Variants in ELOVL2 observed in about 807,000 individuals in gnomAD.
ELOVL2 encodes ELOVL fatty acid elongase 2, also known as very long chain fatty acid elongase 2.
ELOVL2 carries 38 observed loss-of-function variants against 37.7 expected under a neutral mutation model. The observed-to-expected ratio is 1.01, with a 90% CI of 0.78 to 1.32. The LOEUF (loss-of-function observed/expected upper bound fraction) is 1.32, where lower values mean the gene tolerates loss of function less well. ELOVL2 is among the 40% of genes most tolerant of loss of function. The probability of loss-of-function intolerance (pLI) is 0.00; values close to 1 mark genes in which losing one functional copy is unlikely to be tolerated. For synonymous variants in ELOVL2, 115 were observed against 122.3 expected, an observed-to-expected ratio of 0.94 and a Z score of 0.40; for missense variants, 352 against 363.6, an observed-to-expected ratio of 0.97 and a Z score of 0.26.
At chr6:10,990,637 A>G (rs1302914494) in intron 5 of ELOVL2, among the ~76,000 whole-genome samples, 195 bp from the exon 6 acceptor site, 2 of 150,504 alleles carry the variant, frequency 1.3e-5, no homozygotes, top group Admixed American at 6.7e-5. Flanking sequence ...TCCATGATAG[A>G]AGGAGTAGCC....
chr6:11,030,903 T>C (rs1415077084), intron 1 of ELOVL2, among the ~76,000 whole-genome samples: 2 of 152,164 alleles, frequency 1.3e-5, no homozygotes, highest in Non-Finnish European at 2.9e-5. Context: ...CTGTGTCCCC[T>C]GTTCATTCAT....
chr6:11,012,071 T>C (rs1218658258), intron 1 of ELOVL2, among the ~76,000 whole-genome samples: 1 of 152,206 alleles, frequency 6.6e-6, no homozygotes, highest in Non-Finnish European at 1.5e-5. Context: ...GTTTGCTGCC[T>C]GGCACATATC....
chr6:11,005,581 G>T (rs1294659424), intron 2 of ELOVL2, 22 bp from the exon 3 acceptor site: 1 of 1,592,030 alleles, frequency 6.3e-7, no homozygotes, highest in Middle Eastern at 1.7e-4. Context: ...CACATACAGT[G>T]AGGATCCTGA....
At chr6:11,034,934 T>C (rs1782984664) in intron 1 of ELOVL2, among the ~76,000 whole-genome samples, 1 of 151,474 alleles carries the variant, frequency 6.6e-6, no homozygotes, top group Non-Finnish European at 1.5e-5. Context: ...ATCCAGGAGA[T>C]GGAGGTTGCA....
chr6:11,010,698 G>GTT (rs1335623935), intron 2 of ELOVL2, 48 bp downstream of exon 2: 1 of 1,406,772 alleles, frequency 7.1e-7, no homozygotes, highest in East Asian at 2.3e-5. Flanking sequence ...ACTAAATGGT[G>GTT]TTCTTCCTGT....
chr6:11,000,401 G>C (rs1026150135), intron 3 of ELOVL2, among the ~76,000 whole-genome samples: 1 of 151,974 alleles, frequency 6.6e-6, no homozygotes, highest in Non-Finnish European at 1.5e-5. Flanking sequence ...TAACTACATT[G>C]GCCAAAATAA....
At chr6:11,036,450 G>A (rs930843299) in intron 1 of ELOVL2, among the ~76,000 whole-genome samples, 12 of 152,108 alleles carry the variant, frequency 7.9e-5, no homozygotes, top group East Asian at 1.9e-4. Flanking sequence ...AAAGGAAAGG[G>A]GGCATTCTCT....
intron 5 of ELOVL2, among the ~76,000 whole-genome samples, chr6:10,992,497 A>AAAAC (rs1782180585): frequency 1.3e-5 from 2 of 152,246 alleles, no homozygotes; most frequent in African/African-American, 4.8e-5. Flanking sequence ...AACTCTTTGT[A>AAAAC]AAACAGGATT....
chr6:11,014,283 G>A (rs1283287041), intron 1 of ELOVL2, among the ~76,000 whole-genome samples: 4 of 152,044 alleles, frequency 2.6e-5, no homozygotes, highest in Non-Finnish European at 4.4e-5. Context: ...GTTCGAAACC[G>A]GTTTGGCCAA....
At chr6:11,028,637 T>G (rs1782871705) in intron 1 of ELOVL2, among the ~76,000 whole-genome samples, 1 of 149,842 alleles carries the variant, frequency 6.7e-6, no homozygotes. Flanking sequence ...ATTTTCTAAT[T>G]GCCAGTTCAG....
chr6:11,002,274 A>C (rs1012491901), intron 3 of ELOVL2, among the ~76,000 whole-genome samples: 1 of 152,166 alleles, frequency 6.6e-6, no homozygotes, highest in Non-Finnish European at 1.5e-5. Context: ...TCTTTCTTAC[A>C]GGGCAAAGGT....
At chr6:11,018,270 A>G (rs1375756596) in intron 1 of ELOVL2, among the ~76,000 whole-genome samples, 1 of 152,146 alleles carries the variant, frequency 6.6e-6, no homozygotes, top group East Asian at 1.9e-4. Flanking sequence ...TTTTCTATTT[A>G]GTCATCCTAG....
At position 11,040,716 on chromosome 6, in the gene ELOVL2, A is replaced by T. The variant is rs527423898; in HGVS notation, c.3+3512T>A. 2.0e-5 allele frequency among the ~76,000 whole-genome samples: 3 copies of T among 152,344 alleles called. No individual in the cohort carries two copies. In the South Asian group the frequency reaches 6.2e-4, roughly 32 times the overall value. ...AGATATGGGAGAAAAAAGAACACAC[A>T]TCATTATAATAGTTAATATTTACTA... On this transcript the variant is annotated intron_variant, in intron 1 of 7. Coordinates refer to ENST00000354666, the MANE Select transcript of ELOVL2 (RefSeq NM_017770.4).
intron 3 of ELOVL2, among the ~76,000 whole-genome samples, chr6:11,002,840 C>A (rs1782414476): frequency 6.6e-6 from 1 of 152,174 alleles, no homozygotes; most frequent in Non-Finnish European, 1.5e-5. Flanking sequence ...CATCTTATAC[C>A]TTCAGGGCTT....
intron 5 of ELOVL2, among the ~76,000 whole-genome samples, chr6:10,994,028 A>T (rs971002313): frequency 2.6e-5 from 4 of 151,472 alleles, no homozygotes; most frequent in Admixed American, 6.6e-5. Context: ...AAAAAAAAAA[A>T]ATAGCTGGGC....
intron 1 of ELOVL2, among the ~76,000 whole-genome samples, chr6:11,029,564 C>CT (rs761022219): frequency 1.3e-5 from 2 of 152,184 alleles, no homozygotes; most frequent in Non-Finnish European, 1.5e-5. Context: ...ACAACTCCCA[C>CT]TGTATCAGGC....
intron 1 of ELOVL2, among the ~76,000 whole-genome samples, chr6:11,012,512 T>G (rs1360242758): frequency 5.3e-5 from 8 of 152,234 alleles, no homozygotes; most frequent in African/African-American, 1.7e-4. Flanking sequence ...AAGTCTTTCT[T>G]CCATTGCTGC....
chr6:10,987,355 C>A (rs1581856772), intron 7 of ELOVL2, among the ~76,000 whole-genome samples: 5 of 152,116 alleles, frequency 3.3e-5, no homozygotes, highest in African/African-American at 9.6e-5. Context: ...TCCTTCAGTT[C>A]TGCTCTGATT....
intron 4 of ELOVL2, among the ~76,000 whole-genome samples, chr6:10,996,673 A>G (rs1782274208): frequency 6.6e-6 from 1 of 150,862 alleles, no homozygotes; most frequent in Non-Finnish European, 1.5e-5. Context: ...GCCTCAAAAA[A>G]GAAAAAAAAA....
Sources: allele counts gnomAD v4.1 joint callset (sites outside exome capture counted in the v4.1 genomes callset), GRCh38; gene constraint gnomAD v4.1.1; transcripts MANE v1.5; gene names NCBI Gene and HGNC (gene_info 2026-07-23, HGNC 2026-07-21).